TMEM108: variants seen among roughly 807,000 people sequenced by gnomAD.
TMEM108 encodes the protein transmembrane protein 108, also known as cancer/testis antigen 124.
TMEM108 carries 12 observed loss-of-function variants against 35.1 expected under a neutral mutation model. The observed-to-expected ratio is 0.34, with a 90% CI of 0.22 to 0.55. The LOEUF (loss-of-function observed/expected upper bound fraction) is 0.55. TMEM108 is among the 20% of genes least tolerant of loss of function. The probability of loss-of-function intolerance (pLI) is 0.89; values close to 1 mark genes in which losing one functional copy is unlikely to be tolerated. For missense variants in TMEM108, 680 were observed against 753.3 expected, an observed-to-expected ratio of 0.90 and a Z score of 1.14; for synonymous variants, 287 against 308.6, an observed-to-expected ratio of 0.93 and a Z score of 0.73.
At chr3:133,076,910 A>T (rs1943749069) in intron 2 of TMEM108, among the ~76,000 whole-genome samples, 1 of 152,250 alleles carries the variant, frequency 6.6e-6, no homozygotes, top group Admixed American at 6.5e-5. Context: ...AAGGAAGAGA[A>T]ATCAAGTGCA....
At chr3:133,325,647 A>G (rs1173618648) in intron 3 of TMEM108, among the ~76,000 whole-genome samples, 2 of 152,012 alleles carry the variant, frequency 1.3e-5, no homozygotes, top group South Asian at 2.1e-4. Flanking sequence ...ACTGGAGCCC[A>G]GGAGTTCAAG....
At chr3:133,359,999 T>A in intron 3 of TMEM108, among the ~76,000 whole-genome samples, 1 of 115,672 alleles carries the variant, frequency 8.6e-6, no homozygotes, top group Non-Finnish European at 1.7e-5. Context: ...GGAATACTAC[T>A]CAACAGTTAA....
At chr3:133,242,073 A>G (rs1198818687) in intron 3 of TMEM108, among the ~76,000 whole-genome samples, 1 of 152,162 alleles carries the variant, frequency 6.6e-6, no homozygotes, top group Non-Finnish European at 1.5e-5. Context: ...TCCGTTTTAC[A>G]TGGCCTTCTC....
At chr3:133,374,544 A>T (rs1003255884) in intron 3 of TMEM108, among the ~76,000 whole-genome samples, 16 of 121,100 alleles carry the variant, frequency 1.3e-4, no homozygotes, top group African/African-American at 4.9e-4. Flanking sequence ...AATTTTTGTT[A>T]TATATATATA....
intron 2 of TMEM108, among the ~76,000 whole-genome samples, chr3:133,139,013 A>G (rs751787900): frequency 2.7e-5 from 4 of 150,624 alleles, no homozygotes. Context: ...GAGAACATGC[A>G]GTGTTTGGTT....
chr3:133,329,600 G>T (rs1237551298), intron 3 of TMEM108, among the ~76,000 whole-genome samples: 1 of 152,196 alleles, frequency 6.6e-6, no homozygotes, highest in African/African-American at 2.4e-5. Context: ...AATCAGACAA[G>T]AAGGTCTTTT....
intron 2 of TMEM108, among the ~76,000 whole-genome samples, chr3:133,066,643 G>A (rs1943611746): frequency 6.6e-6 from 1 of 152,086 alleles, no homozygotes; most frequent in African/African-American, 2.4e-5. Flanking sequence ...AGTTTACTCA[G>A]TGTTTGTTAA....
chr3:133,093,172 G>T (rs1559830004), intron 2 of TMEM108, among the ~76,000 whole-genome samples: 1 of 152,078 alleles, frequency 6.6e-6, no homozygotes, highest in Non-Finnish European at 1.5e-5. Flanking sequence ...TGTATTTTTA[G>T]TAGAGACGAG....
intron 2 of TMEM108, among the ~76,000 whole-genome samples, chr3:133,171,770 G>A (rs1486477916): frequency 6.6e-6 from 1 of 152,198 alleles, no homozygotes; most frequent in Non-Finnish European, 1.5e-5. Flanking sequence ...TTCAGTTACA[G>A]TTATGAGAGG....
At chr3:133,050,153 G>C (rs1943386289) in intron 2 of TMEM108, among the ~76,000 whole-genome samples, 4 of 152,146 alleles carry the variant, frequency 2.6e-5, no homozygotes, top group Admixed American at 2.0e-4. Context: ...TTGTGCATAG[G>C]AGAGGGAATA....
At chr3:133,167,457 G>A (rs961725528) in intron 2 of TMEM108, among the ~76,000 whole-genome samples, 3 of 152,270 alleles carry the variant, frequency 2.0e-5, no homozygotes, top group Non-Finnish European at 4.4e-5. Context: ...GGTGGTGCCC[G>A]TCAGGGAAGC....
intron 3 of TMEM108, chr3:133,246,978 C>G (rs1946395897): frequency 6.6e-6 from 1 of 152,206 alleles, no homozygotes; most frequent in Non-Finnish European, 1.5e-5. Context: ...TACCAAGTGA[C>G]AGTTCCTCTC....
At chr3:133,159,560 G>GATTTA (rs1944931450) in intron 2 of TMEM108, among the ~76,000 whole-genome samples, 1 of 152,138 alleles carries the variant, frequency 6.6e-6, no homozygotes, top group East Asian at 1.9e-4. Flanking sequence ...GATTTAAGAA[G>GATTTA]CCCACTATGA....
intron 2 of TMEM108, among the ~76,000 whole-genome samples, chr3:133,150,873 C>A (rs1944790215): frequency 6.6e-6 from 1 of 152,066 alleles, no homozygotes; most frequent in Non-Finnish European, 1.5e-5. Flanking sequence ...TTAATGCCTC[C>A]CCCATACTTT....
At chr3:133,215,156 C>T (rs1196035227) in intron 2 of TMEM108, among the ~76,000 whole-genome samples, 1 of 152,082 alleles carries the variant, frequency 6.6e-6, no homozygotes, top group Non-Finnish European at 1.5e-5. Flanking sequence ...TGATTAAAGA[C>T]ACCTTATTTA....
intron 2 of TMEM108, among the ~76,000 whole-genome samples, chr3:133,057,172 C>G (rs774533356): frequency 7.9e-5 from 12 of 152,072 alleles, no homozygotes; most frequent in Non-Finnish European, 1.5e-4. Context: ...CTTGTTCATT[C>G]TATTTAAAAC....
chr3:133,070,343 G>C (rs533875053), intron 2 of TMEM108, among the ~76,000 whole-genome samples: 1 of 152,246 alleles, frequency 6.6e-6, no homozygotes, highest in African/African-American at 2.4e-5. Context: ...GTACAAAATG[G>C]CTTTACCAAG....
intron 3 of TMEM108, among the ~76,000 whole-genome samples, chr3:133,328,651 G>GGCTTTTCT: frequency 6.6e-6 from 1 of 152,160 alleles, no homozygotes; most frequent in Non-Finnish European, 1.5e-5. Context: ...AGCAGAGGTG[G>GGCTTTTCT]ATTTTCCTAA....
intron 2 of TMEM108, among the ~76,000 whole-genome samples, chr3:133,062,210 A>G (rs1443336011): frequency 1.3e-5 from 2 of 152,252 alleles, no homozygotes; most frequent in East Asian, 3.8e-4. Flanking sequence ...GCAGCATCAT[A>G]TTAGTTTTTG....
Sources: gnomAD v4.1 joint callset for allele counts (sites outside exome capture counted in the v4.1 genomes callset) on GRCh38, gnomAD v4.1.1 for gene constraint, MANE v1.5 for transcripts, NCBI Gene and HGNC (gene_info 2026-07-23, HGNC 2026-07-21) for gene names.